The following YAP1 variants were observed in gnomAD, a reference collection of about 807,000 sequenced individuals.
The protein encoded by YAP1 is Yes1 associated transcriptional regulator, also known as transcriptional coactivator YAP1.
In YAP1, 5 loss-of-function variants were observed where a neutral mutation model predicts 56.9. The observed-to-expected ratio is 0.09, with a 90% CI of 0.05 to 0.18. The LOEUF is 0.18. YAP1 is among the 10% of genes least tolerant of loss of function. The pLI, the probability that YAP1 is intolerant of heterozygous loss-of-function variation, is 1.00. For synonymous variants in YAP1, 265 were observed against 248.1 expected (o/e 1.07, Z -0.64); for missense variants, 539 against 651.8 (o/e 0.83, Z 1.88).
chr11:102,219,350 A>G (rs1047417969), intron 6 of YAP1, among the ~76,000 whole-genome samples: 6 of 152,154 alleles, frequency 3.9e-5, no homozygotes, highest in Non-Finnish European at 7.3e-5. Context: ...ATATTTTGTG[A>G]TAAGTGCTGT....
intron 3 of YAP1, among the ~76,000 whole-genome samples, chr11:102,178,158 A>G (rs527469690): frequency 6.6e-6 from 1 of 152,346 alleles, no homozygotes; most frequent in South Asian, 2.1e-4. Context: ...TGCCGTGTAC[A>G]TAGTAAGAAC....
chr11:102,161,333 G>T (rs1946270609), intron 2 of YAP1, among the ~76,000 whole-genome samples: 1 of 135,294 alleles, frequency 7.4e-6, no homozygotes. Flanking sequence ...GAGTCTTTCT[G>T]TGTACTTTCA....
intron 1 of YAP1, 84 bp downstream of exon 1, chr11:102,111,253 T>G: frequency 8.6e-6 from 13 of 1,512,894 alleles, no homozygotes; most frequent in Non-Finnish European, 9.9e-6. Flanking sequence ...CCGCCAGCTC[T>G]GGTCAGGGGA....
At chr11:102,130,460 A>G (rs1384701710) in intron 2 of YAP1, among the ~76,000 whole-genome samples, 7 of 152,122 alleles carry the variant, frequency 4.6e-5, no homozygotes, top group Non-Finnish European at 8.8e-5. Flanking sequence ...CTGGAGTGCA[A>G]TAGTATGATC....
rs745407877 is a variant in YAP1 at position 102,162,553 on chromosome 11, A to G, written c.670A>G (p.Met224Val). 2 of 1,614,194 alleles carry G rather than the reference A, an allele frequency of 1.2e-6. No homozygotes were observed. The highest frequency in any genetic ancestry group is 8.5e-7 in the Non-Finnish European group (1 of 1,180,008). ...CACCAGTCCACCAGTGCAGCAGAAT[A>G]TGATGAACTCGGCTTCAGGTGAGTG... ...APTSPPVQQN[M>V]MNSASGPLPD... The change falls in exon 3 of 9, where the codon ATG becomes GTG. Residue 224 changes from methionine (M) to valine (V), a missense_variant. Transcript: ENST00000282441.
At chr11:102,188,663 A>T (rs1164375220) in intron 4 of YAP1, among the ~76,000 whole-genome samples, 1 of 152,194 alleles carries the variant, frequency 6.6e-6, no homozygotes, top group Non-Finnish European at 1.5e-5. Context: ...ACAGTTCTGT[A>T]GCTTGGGGCG....
rs543672883 is a variant in YAP1 at position 102,125,779 on chromosome 11, A to G, written c.572+11385A>G. 3.2e-3 allele frequency among the ~76,000 whole-genome samples: 491 copies of G among 152,178 alleles called. 1 individual carries two copies. Among genetic ancestry groups the G allele is most frequent in the Non-Finnish European group, 5.2e-3 (353 of 68,020 alleles). ...TATTTTATGGTTGTAGTAATATAATATCTCCCTTAGGATATTATACTGTTT... is the reference window on the plus strand; with the variant it reads ...TATTTTATGGTTGTAGTAATATAATGTCTCCCTTAGGATATTATACTGTTT... On this transcript the variant is annotated intron_variant, in intron 2 of 8. Transcript: ENST00000282441.
chr11:102,201,828 A>G (rs1307692399), intron 4 of YAP1, among the ~76,000 whole-genome samples: 1 of 152,098 alleles, frequency 6.6e-6, no homozygotes, highest in Non-Finnish European at 1.5e-5. Context: ...AATAATAGGT[A>G]CCCCCTAGTA....
chr11:102,131,967 A>G (rs902514289), intron 2 of YAP1, among the ~76,000 whole-genome samples: 1 of 152,046 alleles, frequency 6.6e-6, no homozygotes, highest in Non-Finnish European at 1.5e-5. Flanking sequence ...AAAATAGAAA[A>G]ATTAGCTGGG....
At chr11:102,174,203 T>A (rs1288999536) in intron 3 of YAP1, among the ~76,000 whole-genome samples, 1 of 152,208 alleles carries the variant, frequency 6.6e-6, no homozygotes, top group Non-Finnish European at 1.5e-5. Context: ...GAATGAAACC[T>A]TTACTGAGTA....
rs1431474903 is a variant in YAP1, at chr11:102,165,205, A to AG, written c.688+2634_688+2635insG. 2.6e-5 allele frequency among the ~76,000 whole-genome samples: 4 copies of AG among 152,134 alleles called. No individual in the cohort carries two copies. In the East Asian group the frequency reaches 7.7e-4, roughly 29 times the overall value. On this transcript the variant is annotated intron_variant, in intron 3 of 8. Coordinates refer to ENST00000282441, the MANE Select transcript of YAP1 (RefSeq NM_001130145.3). ...GAAACCTTGTCTCTACAAAAAAAAAAAAATAGTCTGTCATGGTGGTGCATA... is the reference window on the plus strand; with the variant it reads ...GAAACCTTGTCTCTACAAAAAAAAAAGAAATAGTCTGTCATGGTGGTGCATA...
intron 3 of YAP1, among the ~76,000 whole-genome samples, chr11:102,171,750 A>C (rs1336283312): frequency 6.6e-6 from 1 of 152,190 alleles, no homozygotes; most frequent in Non-Finnish European, 1.5e-5. Flanking sequence ...TGATTTTTTA[A>C]GCAGTTTCAT....
chr11:102,208,832 A>G (rs969794178), intron 5 of YAP1, among the ~76,000 whole-genome samples: 9 of 152,206 alleles, frequency 5.9e-5, no homozygotes, highest in African/African-American at 2.2e-4. Context: ...TAATTTGTAA[A>G]GTCTAGAAAT....
chr11:102,167,700 C>T (rs1373395770), intron 3 of YAP1, among the ~76,000 whole-genome samples: 2 of 152,098 alleles, frequency 1.3e-5, no homozygotes, highest in East Asian at 3.9e-4. Context: ...TGCCACTGCA[C>T]TCCAGCCTGG....
chr11:102,137,483 A>G (rs1232566143), intron 2 of YAP1, among the ~76,000 whole-genome samples: 2 of 152,318 alleles, frequency 1.3e-5, no homozygotes, highest in East Asian at 1.9e-4. Context: ...AATTTAGGTG[A>G]TGGGTATATG....
At chr11:102,131,129 A>G (rs989456745) in intron 2 of YAP1, among the ~76,000 whole-genome samples, 1 of 152,162 alleles carries the variant, frequency 6.6e-6, no homozygotes, top group Non-Finnish European at 1.5e-5. Context: ...TTTCTCAAAA[A>G]AGACCCACAT....
intron 4 of YAP1, among the ~76,000 whole-genome samples, chr11:102,195,914 G>A (rs933815425): frequency 6.6e-6 from 1 of 152,200 alleles, no homozygotes; most frequent in Admixed American, 6.5e-5. Flanking sequence ...ACAAAACCTA[G>A]AGTAGGATGT....
At chr11:102,181,746 G>A (rs1283302442) in intron 3 of YAP1, among the ~76,000 whole-genome samples, 2 of 152,218 alleles carry the variant, frequency 1.3e-5, no homozygotes, top group African/African-American at 4.8e-5. Flanking sequence ...AATAGATGTG[G>A]TTGTGTATAA....
At position 102,162,462 on chromosome 11, in the gene YAP1, C is replaced by G. The variant is rs537251084; in HGVS notation, c.579C>G (p.Ile193Met). ...SSGQRYFLNH[I>M]DQTTTWQDPR... is the part of the protein sequence containing the mutation. ...GTGGTTTGTTTTGTCTTAGTCACAT[C>G]GATCAGACAACAACATGGCAGGACC... The change falls in exon 3 of 9, where the codon ATC (isoleucine) becomes ATG (methionine). Residue 193 changes from isoleucine to methionine, a missense_variant. By Grantham distance (10) the Ile-to-Met change is conservative (BLOSUM62 1). This residue lies in a region of YAP1 where 414 missense variants were observed against 512.4 expected (regional missense o/e 0.81). Coordinates refer to ENST00000282441, the MANE Select transcript of YAP1 (RefSeq NM_001130145.3). 5 of 1,613,790 alleles carry G rather than the reference C, an allele frequency of 3.1e-6. No individual in the cohort carries two copies. The highest frequency in any genetic ancestry group is 1.1e-5 in the South Asian group (1 of 91,068).
Sources: gnomAD v4.1 joint callset for allele counts (sites outside exome capture counted in the v4.1 genomes callset) on GRCh38, gnomAD v4.1.1 for gene constraint, gnomAD v4.1.1 regional missense constraint, MANE v1.5 for transcripts, NCBI Gene and HGNC (gene_info 2026-07-23, HGNC 2026-07-21) for gene names.